ANKS1B: variants seen among roughly 807,000 people sequenced by gnomAD.
The protein encoded by ANKS1B is ankyrin repeat and sterile alpha motif domain-containing protein 1B.
A neutral mutation model predicts 148.3 loss-of-function variants in ANKS1B; 36 were observed. The observed-to-expected ratio is 0.24, with a 90% confidence interval of 0.19 to 0.32. The LOEUF is 0.32. ANKS1B is among the 10% of genes least tolerant of loss of function. The pLI, the probability that ANKS1B is intolerant of heterozygous loss-of-function variation, is 1.00. For synonymous variants in ANKS1B, 542 were observed against 560.8 expected (o/e 0.97, Z 0.47); for missense variants, 1,157 against 1,542.6 (o/e 0.75, Z 4.19).
intron 17 of ANKS1B, among the ~76,000 whole-genome samples, chr12:98,903,162 G>T (rs1478943343): frequency 6.6e-6 from 1 of 152,046 alleles, no homozygotes; most frequent in African/African-American, 2.4e-5. Context: ...AACATAATTT[G>T]GGGTTGGGAT....
chr12:99,772,388 T>C (rs1266999975), intron 8 of ANKS1B, among the ~76,000 whole-genome samples: 1 of 152,142 alleles, frequency 6.6e-6, no homozygotes, highest in Non-Finnish European at 1.5e-5. Context: ...AAAGGCGTTG[T>C]CACAGGAACT....
chr12:98,766,191 C>T (rs2098478257), intron 25 of ANKS1B, among the ~76,000 whole-genome samples: 1 of 152,208 alleles, frequency 6.6e-6, no homozygotes, highest in African/African-American at 2.4e-5. Context: ...GTCTTTGTGG[C>T]CTGGTTAGTT....
intron 8 of ANKS1B, among the ~76,000 whole-genome samples, chr12:99,769,196 C>A (rs2062965666): frequency 6.6e-6 from 1 of 152,064 alleles, no homozygotes; most frequent in Non-Finnish European, 1.5e-5. Flanking sequence ...GACCTCAGTT[C>A]TGACTCATCA....
chr12:98,929,383 T>A (rs1282433855), intron 17 of ANKS1B, among the ~76,000 whole-genome samples: 20 of 152,004 alleles, frequency 1.3e-4, no homozygotes, highest in Admixed American at 1.3e-3. Context: ...ATCCAATACC[T>A]ATTAGTATCT....
At chr12:99,343,225 G>T (rs1304412636) in intron 12 of ANKS1B, among the ~76,000 whole-genome samples, 1 of 151,976 alleles carries the variant, frequency 6.6e-6, no homozygotes, top group East Asian at 1.9e-4. Context: ...ATGAGCAGGA[G>T]CCACATTCAA....
chr12:98,747,655 C>T (rs2097926467), intron 26 of ANKS1B, among the ~76,000 whole-genome samples: 1 of 152,174 alleles, frequency 6.6e-6, no homozygotes, highest in Non-Finnish European at 1.5e-5. Context: ...ATCTGCACTC[C>T]CATGTTTATT....
At chr12:98,784,110 T>C (rs1188480528) in intron 22 of ANKS1B, among the ~76,000 whole-genome samples, 2 of 152,112 alleles carry the variant, frequency 1.3e-5, no homozygotes, top group Non-Finnish European at 2.9e-5. Context: ...GAGGGGAAAG[T>C]GTTTTTGCGT....
At chr12:99,734,419 G>A (rs2372903) in intron 8 of ANKS1B, among the ~76,000 whole-genome samples, 30,555 of 151,956 alleles carry the variant, frequency 0.2, 3,440 homozygotes, top group Non-Finnish European at 0.25. Flanking sequence ...CAGCACCCCC[G>A]AGTAGCTGGG....
intron 6 of ANKS1B, among the ~76,000 whole-genome samples, chr12:99,778,905 GCTGTT>G: frequency 6.6e-6 from 1 of 152,128 alleles, no homozygotes; most frequent in African/African-American, 2.4e-5. Context: ...GCAAAACAAT[GCTGTT>G]CTTCAGCTTC....
At chr12:99,648,466 G>T (rs771924298) in intron 9 of ANKS1B, 1 of 1,614,172 alleles carries the variant, frequency 6.2e-7, no homozygotes, top group Non-Finnish European at 8.5e-7. Flanking sequence ...CTGTGACAAT[G>T]CCAGGTGTGG....
intron 1 of ANKS1B, among the ~76,000 whole-genome samples, chr12:99,923,473 A>G (rs185847287): frequency 2.4e-4 from 36 of 152,338 alleles, no homozygotes; most frequent in African/African-American, 7.9e-4. Flanking sequence ...TAATCACTAA[A>G]GGATTTAAAA....
intron 8 of ANKS1B, among the ~76,000 whole-genome samples, chr12:99,755,868 T>C (rs2061523137): frequency 6.6e-6 from 1 of 152,036 alleles, no homozygotes; most frequent in Admixed American, 6.6e-5. Flanking sequence ...AGAAGGGCAT[T>C]ACATAATGGT....
intron 9 of ANKS1B, among the ~76,000 whole-genome samples, chr12:99,519,846 G>T (rs1231738836): frequency 2.0e-5 from 3 of 151,862 alleles, no homozygotes; most frequent in Non-Finnish European, 4.4e-5. Flanking sequence ...TTGATTTGAG[G>T]TTACCATGAG....
rs564180692 is a variant in ANKS1B, at chr12:98,794,740, A to G, written c.3342+4194T>C. ...AACCTATCAAATACCAGTGAGAGCT[A>G]TGGAATAAAACTACTGATGCAATGA... On this transcript the variant is annotated intron_variant, in intron 22 of 26. Coordinates refer to ENST00000683438, the MANE Select transcript of ANKS1B (RefSeq NM_001352186.2). 2.9e-6 allele frequency: 3 copies of G among 1,022,872 alleles called. No homozygotes were observed. The South Asian group carries it at 3.8e-5, about 13-fold the overall frequency. 63.4% of individuals were successfully genotyped at this position (1,022,872 alleles called of 1,614,324 possible).
chr12:99,140,240 T>C (rs1445701871), intron 15 of ANKS1B, among the ~76,000 whole-genome samples: 1 of 152,220 alleles, frequency 6.6e-6, no homozygotes, highest in South Asian at 2.1e-4. Flanking sequence ...TTCACCTGAA[T>C]GGCTCAGTTC....
chr12:99,429,398 C>T (rs2095325125), intron 11 of ANKS1B, among the ~76,000 whole-genome samples: 1 of 152,158 alleles, frequency 6.6e-6, no homozygotes, highest in African/African-American at 2.4e-5. Flanking sequence ...GAACATTACA[C>T]AAAATAGCTG....
At chr12:98,998,033 C>T (rs979229858) in intron 17 of ANKS1B, among the ~76,000 whole-genome samples, 5 of 152,202 alleles carry the variant, frequency 3.3e-5, no homozygotes, top group South Asian at 4.1e-4. Context: ...TTTTCAAGGG[C>T]GAATGGATAT....
chr12:98,742,708 G>GC (rs2097810224), downstream of ANKS1B, among the ~76,000 whole-genome samples: 1 of 152,260 alleles, frequency 6.6e-6, no homozygotes, highest in Non-Finnish European at 1.5e-5. Context: ...AAAGGCCTGA[G>GC]CAAGTTCAAA....
intron 1 of ANKS1B, among the ~76,000 whole-genome samples, chr12:99,908,627 T>C (rs1011545603): frequency 2.6e-5 from 4 of 152,148 alleles, no homozygotes; most frequent in Non-Finnish European, 5.9e-5. Context: ...AATACATTTT[T>C]TCCAATTCTT....
Sources: allele counts gnomAD v4.1 joint callset (sites outside exome capture counted in the v4.1 genomes callset), GRCh38; gene constraint gnomAD v4.1.1; transcripts MANE v1.5; gene names NCBI Gene and HGNC (gene_info 2026-07-23, HGNC 2026-07-21).